SPAG16: variants seen among roughly 807,000 people sequenced by gnomAD.
SPAG16 encodes the protein sperm associated antigen 16, also known as sperm-associated antigen 16 protein.
In SPAG16, 86 loss-of-function variants were observed where a neutral mutation model predicts 80.4. That is an observed-to-expected ratio of 1.07 (90% CI 0.90 to 1.28). The LOEUF is 1.28. Among genes scored for constraint, SPAG16 ranks in the 50% most tolerant of loss-of-function variants. SPAG16 has a pLI of 0.00. For synonymous variants in SPAG16, 294 were observed against 265.9 expected (o/e 1.11, Z -1.03); for missense variants, 870 against 765.3 (o/e 1.14, Z -1.61).
chr2:213,889,945 A>G (rs556215373), intron 11 of SPAG16, among the ~76,000 whole-genome samples: 141 of 152,114 alleles, frequency 9.3e-4, no homozygotes, highest in African/African-American at 3.1e-3. Flanking sequence ...TTATTATTTG[A>G]AGAAAATTGT....
At chr2:213,802,430 T>TA (rs961055534) in intron 10 of SPAG16, among the ~76,000 whole-genome samples, 17 of 145,974 alleles carry the variant, frequency 1.2e-4, no homozygotes, top group African/African-American at 4.3e-4. Context: ...TCTATCTATC[T>TA]ATCTATCTAT....
intron 14 of SPAG16, among the ~76,000 whole-genome samples, chr2:214,117,553 C>T (rs1240270673): frequency 6.6e-6 from 1 of 152,072 alleles, no homozygotes; most frequent in Non-Finnish European, 1.5e-5. Context: ...ACAACAACAA[C>T]AACCAACACT....
chr2:213,701,397 C>T (rs780570677), intron 10 of SPAG16, among the ~76,000 whole-genome samples: 5 of 152,096 alleles, frequency 3.3e-5, no homozygotes, highest in African/African-American at 4.8e-5. Context: ...GAGGTGCCAA[C>T]GTGCTAGCAG....
intron 6 of SPAG16, among the ~76,000 whole-genome samples, chr2:213,349,710 C>T (rs981921590): frequency 1.3e-5 from 2 of 152,016 alleles, no homozygotes; most frequent in Non-Finnish European, 2.9e-5. Context: ...GGGAATACTA[C>T]TCACAGTAAA....
chr2:214,082,405 G>A (rs1469368046), intron 13 of SPAG16, among the ~76,000 whole-genome samples: 1 of 152,048 alleles, frequency 6.6e-6, no homozygotes, highest in Non-Finnish European at 1.5e-5. Context: ...ATGACTTTTG[G>A]GAACCTGATA....
At chr2:214,018,586 C>G (rs1035344380) in intron 13 of SPAG16, among the ~76,000 whole-genome samples, 1 of 151,998 alleles carries the variant, frequency 6.6e-6, no homozygotes, top group Non-Finnish European at 1.5e-5. Flanking sequence ...CATGCTTCTT[C>G]TTTATAATTT....
intron 12 of SPAG16, among the ~76,000 whole-genome samples, chr2:213,955,782 A>G (rs572985317): frequency 6.6e-6 from 1 of 152,160 alleles, no homozygotes; most frequent in Admixed American, 6.5e-5. Context: ...TTGGCATATA[A>G]TTATTCACAC....
At chr2:213,980,727 G>T (rs2372106) in intron 12 of SPAG16, among the ~76,000 whole-genome samples, 54,603 of 81,710 alleles carry the variant, frequency 0.67, 16,102 homozygotes, top group Middle Eastern at 0.78. Context: ...TATATATATA[G>T]AGAGAGAGAG....
intron 15 of SPAG16, among the ~76,000 whole-genome samples, chr2:214,266,900 A>G (rs994630546): frequency 6.6e-6 from 1 of 151,778 alleles, no homozygotes; most frequent in Non-Finnish European, 1.5e-5. Context: ...AAATATCTGT[A>G]TACTGAAAAC....
At chr2:214,150,870 A>T (rs2055939180) in intron 15 of SPAG16, among the ~76,000 whole-genome samples, 1 of 152,080 alleles carries the variant, frequency 6.6e-6, no homozygotes, top group Non-Finnish European at 1.5e-5. Flanking sequence ...ATCTTCTGTC[A>T]TACAGGTCAG....
chr2:213,999,700 G>T (rs2046697244), intron 12 of SPAG16, among the ~76,000 whole-genome samples: 3 of 152,230 alleles, frequency 2.0e-5, no homozygotes, highest in Admixed American at 1.3e-4. Context: ...AAGGAGCTGA[G>T]AGAGAGGCTG....
At chr2:213,360,729 T>C (rs1662049136) in intron 7 of SPAG16, among the ~76,000 whole-genome samples, 1 of 152,244 alleles carries the variant, frequency 6.6e-6, no homozygotes, top group Non-Finnish European at 1.5e-5. Flanking sequence ...AGAATGAATT[T>C]ATTCAAAGTA....
chr2:213,528,462 G>A (rs908870728), intron 10 of SPAG16, among the ~76,000 whole-genome samples: 9 of 151,942 alleles, frequency 5.9e-5, no homozygotes, highest in Non-Finnish European at 7.4e-5. Context: ...TGTAACAGAT[G>A]TGTGTGTGTG....
At chr2:214,269,373 A>C (rs1268981364) in intron 15 of SPAG16, among the ~76,000 whole-genome samples, 2 of 151,968 alleles carry the variant, frequency 1.3e-5, no homozygotes, top group Non-Finnish European at 2.9e-5. Context: ...ATTTCTTTTG[A>C]TCTTTGGACA....
intron 15 of SPAG16, among the ~76,000 whole-genome samples, chr2:214,191,301 G>A (rs978658545): frequency 1.3e-5 from 2 of 152,130 alleles, no homozygotes; most frequent in Non-Finnish European, 2.9e-5. Flanking sequence ...TCCAGTGGGA[G>A]CTATGCATTT....
intron 13 of SPAG16, among the ~76,000 whole-genome samples, chr2:214,065,106 A>G (rs1241712288): frequency 1.3e-5 from 2 of 152,020 alleles, no homozygotes; most frequent in African/African-American, 4.8e-5. Flanking sequence ...TACAGATGAG[A>G]AAGTTGAGGT....
At chr2:214,033,331 T>A (rs1265394761) in intron 13 of SPAG16, among the ~76,000 whole-genome samples, 1 of 152,198 alleles carries the variant, frequency 6.6e-6, no homozygotes, top group African/African-American at 2.4e-5. Flanking sequence ...TATATAAACA[T>A]GTTATTTCAG....
intron 13 of SPAG16, among the ~76,000 whole-genome samples, chr2:214,053,104 TG>T (rs1458795790): frequency 6.6e-6 from 1 of 152,086 alleles, no homozygotes; most frequent in Non-Finnish European, 1.5e-5. Context: ...CTAAGGGAAG[TG>T]AGGTTATTTC....
At chr2:213,354,348 C>T (rs917109556) in intron 7 of SPAG16, among the ~76,000 whole-genome samples, 1 of 152,186 alleles carries the variant, frequency 6.6e-6, no homozygotes, top group Non-Finnish European at 1.5e-5. Flanking sequence ...AATAAACATA[C>T]ATGTGCATGT....
Sources: allele counts gnomAD v4.1 joint callset (sites outside exome capture counted in the v4.1 genomes callset), GRCh38; gene constraint gnomAD v4.1.1; transcripts MANE v1.5; gene names NCBI Gene and HGNC (gene_info 2026-07-23, HGNC 2026-07-21).